Variants in SORBS2 observed in about 807,000 individuals in gnomAD.
SORBS2 encodes sorbin and SH3 domain containing 2.
In SORBS2, 46 loss-of-function variants were observed where a neutral mutation model predicts 97.7. The observed-to-expected ratio is 0.47, with a 90% CI of 0.37 to 0.60. The LOEUF (loss-of-function observed/expected upper bound fraction) is 0.60, where lower values mean the gene tolerates loss of function less well. SORBS2 is among the 20% of genes least tolerant of loss of function. SORBS2 has a pLI of 0.00. For synonymous variants in SORBS2, 476 were observed against 473.4 expected (o/e 1.01, Z -0.07); for missense variants, 1,316 against 1,282.3 (o/e 1.03, Z -0.40).
chr4:185,910,619 C>T (rs1011672361), intron 1 of SORBS2, among the ~76,000 whole-genome samples: 4 of 152,174 alleles, frequency 2.6e-5, no homozygotes, highest in African/African-American at 9.7e-5. Context: ...TCAATCATGG[C>T]TCACTGCAGG....
chr4:185,834,129 G>T (rs528163438), intron 1 of SORBS2, among the ~76,000 whole-genome samples: 5 of 152,112 alleles, frequency 3.3e-5, no homozygotes, highest in Admixed American at 6.5e-5. Context: ...GTCAATTCTC[G>T]TGCTGCTGTA....
intron 1 of SORBS2, among the ~76,000 whole-genome samples, chr4:185,792,222 TG>T (rs1423972181): frequency 7.9e-5 from 12 of 152,064 alleles, no homozygotes; most frequent in Non-Finnish European, 1.6e-4. Flanking sequence ...TGGGACGGCG[TG>T]GTGGCTTACG....
chr4:185,659,439 C>G (rs1347897738), upstream of SORBS2, among the ~76,000 whole-genome samples: 1 of 146,604 alleles, frequency 6.8e-6, no homozygotes, highest in Admixed American at 6.7e-5. Context: ...TTTTTTGAGA[C>G]GGAGTCTTGC....
chr4:185,651,802 G>A (rs1466943540), intron 2 of SORBS2: 2 of 1,506,060 alleles, frequency 1.3e-6, no homozygotes, highest in Non-Finnish European at 1.8e-6. Context: ...TATGTATAAG[G>A]AGTATTATAC....
At chr4:185,879,160 ATCCC>A (rs1561261917) in intron 1 of SORBS2, among the ~76,000 whole-genome samples, 14 of 82,872 alleles carry the variant, frequency 1.7e-4, no homozygotes, top group Non-Finnish European at 3.0e-4. Context: ...TCCTAATGCT[ATCCC>A]TCCCCCCCCC....
chr4:185,832,409 C>G (rs1005881772), intron 1 of SORBS2, among the ~76,000 whole-genome samples: 1 of 152,156 alleles, frequency 6.6e-6, no homozygotes, highest in Non-Finnish European at 1.5e-5. Context: ...ATTATGTTTA[C>G]TTACTTTACT....
At chr4:185,949,091 G>A (rs2099275946) in intron 1 of SORBS2, among the ~76,000 whole-genome samples, 1 of 151,818 alleles carries the variant, frequency 6.6e-6, no homozygotes, top group Admixed American at 6.6e-5. Flanking sequence ...CAGGAGGGGG[G>A]TTGGGGAGAG....
intron 2 of SORBS2, among the ~76,000 whole-genome samples, chr4:185,725,431 C>T (rs116783779): frequency 0.011 from 1,744 of 152,268 alleles, 22 homozygotes; most frequent in African/African-American, 0.037. Flanking sequence ...ACATACTTGC[C>T]GTCTAATTTA....
chr4:185,690,175 A>C (rs991505544), intron 2 of SORBS2, among the ~76,000 whole-genome samples: 1 of 152,250 alleles, frequency 6.6e-6, no homozygotes, highest in Admixed American at 6.5e-5. Context: ...GACTTCTTCA[A>C]CATAAAGAGT....
intron 1 of SORBS2, among the ~76,000 whole-genome samples, chr4:185,933,628 G>A (rs2149975840): frequency 6.6e-6 from 1 of 152,082 alleles, no homozygotes; most frequent in South Asian, 2.1e-4. Context: ...TATTCCCCTT[G>A]CGCGTGTGTC....
chr4:185,770,081 A>AT (rs34286752), intron 2 of SORBS2, among the ~76,000 whole-genome samples: 71,654 of 145,654 alleles, frequency 0.49, 18,204 homozygotes, highest in African/African-American at 0.64. Context: ...GCCGGATGGC[A>AT]TTTTTTTTTT....
rs142722248 is a variant in SORBS2, at chr4:185,628,411, C to T, written c.447-1392G>A. 2.1e-3 allele frequency among the ~76,000 whole-genome samples: 323 copies of T among 151,662 alleles called. 1 individual carries two copies. Among genetic ancestry groups the T allele is most frequent in the African/African-American group, 7.5e-3 (312 of 41,356 alleles). The stretch of plus-strand genomic sequence containing the variant: ...CAGCTTGTCCTATCATCTCTATCAT[C>T]TTAGCTTTAGAAGATGTTATATTGG... On this transcript the variant is annotated intron_variant, in intron 5 of 14. Transcript: ENST00000418609.
chr4:185,621,744 C>A (rs910781812), intron 7 of SORBS2, among the ~76,000 whole-genome samples: 2 of 151,190 alleles, frequency 1.3e-5, no homozygotes, highest in Non-Finnish European at 3.0e-5. Context: ...TGAATTATGT[C>A]TTTTTTTTTG....
At chr4:185,635,170 A>C (rs1403831900) in intron 4 of SORBS2, among the ~76,000 whole-genome samples, 185 bp downstream of exon 16, 2 of 152,220 alleles carry the variant, frequency 1.3e-5, no homozygotes, top group Non-Finnish European at 2.9e-5. Context: ...GTCCAGAGAT[A>C]GCCAACAACT....
intron 1 of SORBS2, among the ~76,000 whole-genome samples, chr4:185,920,630 A>G (rs2149919344): frequency 6.6e-6 from 1 of 152,312 alleles, no homozygotes; most frequent in Middle Eastern, 3.4e-3. Flanking sequence ...TAAATCTTGC[A>G]TGTTTTTACT....
chr4:185,776,815 G>A (rs913176003), intron 1 of SORBS2, among the ~76,000 whole-genome samples: 2 of 150,748 alleles, frequency 1.3e-5, no homozygotes, highest in East Asian at 2.0e-4. Context: ...CAGGAGAATC[G>A]CTTGAAGCCG....
intron 1 of SORBS2, among the ~76,000 whole-genome samples, chr4:185,823,895 A>G (rs1445937195): frequency 6.6e-6 from 1 of 152,164 alleles, no homozygotes; most frequent in Non-Finnish European, 1.5e-5. Context: ...AAGCCCGCTG[A>G]TTGGATCTCA....
At chr4:185,649,324 G>A in intron 3 of SORBS2, 143 bp downstream of exon 12, 1 of 605,206 alleles carries the variant, frequency 1.7e-6, no homozygotes, top group Non-Finnish European at 2.6e-6. Context: ...CAGCAGAGGA[G>A]GTCAATATGG....
chr4:185,623,977 G>A lies in SORBS2; in HGVS notation c.1152C>T (p.Tyr384=). ...GGTCCTTGTGCTGCTGCTCGCTCTC[G>A]TACTGCAGAATCCTGGACTTCACGG... Residue 384 remains tyrosine (Y), a synonymous_variant, in exon 7 of 15, where the codon TAC becomes TAT. Transcript: ENST00000418609. This position sits in a 1 kb window ranked among gnomAD's most constrained non-coding sequence, Gnocchi z 6.4. 1.9e-6 allele frequency: 3 copies of A among 1,614,202 alleles called. No individual in the cohort carries two copies. The highest frequency in any genetic ancestry group is 2.5e-6 in the Non-Finnish European group (3 of 1,180,036).
Sources: allele counts gnomAD v4.1 joint callset (sites outside exome capture counted in the v4.1 genomes callset), GRCh38; gene constraint gnomAD v4.1.1; non-coding constraint Gnocchi (gnomAD v3.1); transcripts MANE v1.5; gene names NCBI Gene and HGNC (gene_info 2026-07-23, HGNC 2026-07-21).